PPP1R16B: variants seen among roughly 807,000 people sequenced by gnomAD.
PPP1R16B encodes protein phosphatase 1 regulatory subunit 16B, also known as protein phosphatase 1 regulatory inhibitor subunit 16B.
A neutral mutation model predicts 61.7 loss-of-function variants in PPP1R16B; 14 were observed. The observed-to-expected ratio is 0.23, with a 90% CI of 0.15 to 0.35. The LOEUF is 0.35. Among genes scored for constraint, PPP1R16B ranks in the 10% least tolerant of loss-of-function variants. PPP1R16B has a pLI of 1.00. For synonymous variants in PPP1R16B, 266 were observed against 305.3 expected, an observed-to-expected ratio of 0.87 and a Z score of 1.34; for missense variants, 547 against 752.5, an observed-to-expected ratio of 0.73 and a Z score of 3.19.
intron 2 of PPP1R16B, chr20:38,872,709 G>A (rs1468502585): frequency 6.6e-6 from 1 of 152,520 alleles, no homozygotes; most frequent in Non-Finnish European, 1.5e-5. Flanking sequence ...GGAGCCAGGA[G>A]AGGTTTCTGA....
At chr20:38,826,925 T>C (rs925968225) in intron 1 of PPP1R16B, among the ~76,000 whole-genome samples, 5 of 152,192 alleles carry the variant, frequency 3.3e-5, no homozygotes, top group African/African-American at 1.2e-4. Flanking sequence ...TTTAAAAAAT[T>C]ATTCATGTAT....
intron 10 of PPP1R16B, among the ~76,000 whole-genome samples, chr20:38,911,412 C>T (rs1480107377): frequency 9.0e-5 from 13 of 143,990 alleles, no homozygotes; most frequent in South Asian, 2.2e-4. Flanking sequence ...GTGATCCACC[C>T]GCCTCAGTCT....
chr20:38,832,570 G>A (rs1020639798), intron 1 of PPP1R16B, among the ~76,000 whole-genome samples: 2 of 152,204 alleles, frequency 1.3e-5, no homozygotes, highest in Admixed American at 6.5e-5. Flanking sequence ...CACATTGCTG[G>A]AGGGTATGAA....
chr20:38,827,837 G>T (rs2084813928), intron 1 of PPP1R16B, among the ~76,000 whole-genome samples: 1 of 152,146 alleles, frequency 6.6e-6, no homozygotes, highest in Non-Finnish European at 1.5e-5. Flanking sequence ...GTTGTGGGAG[G>T]GCGGGGGTGT....
intron 10 of PPP1R16B, among the ~76,000 whole-genome samples, chr20:38,912,423 T>C (rs2085498970): frequency 6.8e-6 from 1 of 146,534 alleles, no homozygotes; most frequent in Admixed American, 7.2e-5. Context: ...ATCCCAAAAC[T>C]GAGGGAGGCT....
In PPP1R16B at chr20:38,869,742, G is replaced by A. The variant is rs529583212; in HGVS notation, c.251-19853G>A. Among the ~76,000 whole-genome samples, 287 of 152,068 alleles carry A rather than the reference G, an allele frequency of 1.9e-3. 4 individuals carry two copies. Among genetic ancestry groups the A allele is most frequent in the African/African-American group, 6.5e-3 (268 of 41,414 alleles). ...AAGATTTTTTAGATGTGTGGTTTGA[G>A]GGCCTGGAAAGTCATGTCCTGGCCT... On this transcript the variant is annotated intron_variant, in intron 2 of 10. Transcript: ENST00000299824.
rs867232574 is a variant in PPP1R16B at position 38,895,837 on chromosome 20, C to T, written c.467+127C>T. 1,899 of 977,502 alleles carry T rather than the reference C, an allele frequency of 1.9e-3. 19 individuals are homozygous for T. Among genetic ancestry groups the T allele is most frequent in the South Asian group, 5.6e-3 (300 of 53,332 alleles). 60.6% of individuals were successfully genotyped at this position (977,502 alleles called of 1,614,324 possible). On this transcript the variant is annotated intron_variant, in intron 4 of 10. Coordinates refer to ENST00000299824, the MANE Select transcript of PPP1R16B (RefSeq NM_015568.4). Reference sequence around the variant, plus strand: ...CCCTTCCTCCTTCCTTCTTTCTCTCCTCCCTTCCTCCTTCCTTCTTTCTTC... The same window carrying T: ...CCCTTCCTCCTTCCTTCTTTCTCTCTTCCCTTCCTCCTTCCTTCTTTCTTC...
intron 2 of PPP1R16B, among the ~76,000 whole-genome samples, chr20:38,881,581 C>T (rs1396215251): frequency 6.6e-6 from 1 of 152,182 alleles, no homozygotes; most frequent in African/African-American, 2.4e-5. Flanking sequence ...TGGGGTCTAC[C>T]TACAATGGAG....
At chr20:38,834,124 G>A (rs1261497487) in intron 1 of PPP1R16B, among the ~76,000 whole-genome samples, 1 of 152,186 alleles carries the variant, frequency 6.6e-6, no homozygotes, top group Non-Finnish European at 1.5e-5. Context: ...CTCCAAGCTT[G>A]TGTCTCATTG....
chr20:38,905,360 G>A (rs774814824), intron 6 of PPP1R16B, among the ~76,000 whole-genome samples: 2 of 152,150 alleles, frequency 1.3e-5, no homozygotes, highest in Non-Finnish European at 2.9e-5. Flanking sequence ...GCAAGTTAGT[G>A]CTGGCTGTTG....
At chr20:38,831,894 T>A (rs2084839622) in intron 1 of PPP1R16B, among the ~76,000 whole-genome samples, 1 of 152,208 alleles carries the variant, frequency 6.6e-6, no homozygotes, top group Non-Finnish European at 1.5e-5. Flanking sequence ...CAACAAGACT[T>A]CTCTGCTCCT....
intron 6 of PPP1R16B, among the ~76,000 whole-genome samples, chr20:38,903,648 A>G (rs564376024): frequency 2.0e-5 from 3 of 152,124 alleles, no homozygotes; most frequent in South Asian, 4.2e-4. Flanking sequence ...CATCCAGTCA[A>G]CACACAGTTA....
chr20:38,896,475 G>A (rs781113940), intron 4 of PPP1R16B, among the ~76,000 whole-genome samples: 3 of 150,792 alleles, frequency 2.0e-5, no homozygotes, highest in Non-Finnish European at 4.4e-5. Context: ...ATCTCTGTGT[G>A]CCTGTTCTGC....
At chr20:38,890,061 A>C (rs1198457812) in intron 3 of PPP1R16B, among the ~76,000 whole-genome samples, 1 of 152,226 alleles carries the variant, frequency 6.6e-6, no homozygotes, top group Non-Finnish European at 1.5e-5. Flanking sequence ...CTGAGGTCAC[A>C]TGGTCTTGAT....
intron 2 of PPP1R16B, among the ~76,000 whole-genome samples, chr20:38,884,095 C>T (rs1419636821): frequency 3.9e-5 from 6 of 152,190 alleles, no homozygotes; most frequent in Admixed American, 3.3e-4. Flanking sequence ...GTGCCTTTCT[C>T]GTCTTTGTGC....
intron 2 of PPP1R16B, 49 bp from the exon 3 acceptor site, chr20:38,889,546 C>A (rs572533528): frequency 6.7e-7 from 1 of 1,502,864 alleles, no homozygotes; most frequent in Admixed American, 1.7e-5. Context: ...TGCATGCCTG[C>A]ACACCCAGTG....
chr20:38,906,574 A>T (rs566809587), intron 7 of PPP1R16B, among the ~76,000 whole-genome samples: 15 of 152,254 alleles, frequency 9.9e-5, no homozygotes, highest in Non-Finnish European at 2.2e-4. Context: ...GGATGCCACC[A>T]TGCCTGGCTG....
chr20:38,860,926 G>A (rs56245805), intron 2 of PPP1R16B, among the ~76,000 whole-genome samples: 19,443 of 152,154 alleles, frequency 0.13, 1,595 homozygotes, highest in South Asian at 0.26. Flanking sequence ...GGGGCCCCCT[G>A]CAGGTCCCAA....
intron 2 of PPP1R16B, among the ~76,000 whole-genome samples, chr20:38,836,619 A>G (rs570106971): frequency 4.9e-4 from 74 of 152,386 alleles, no homozygotes; most frequent in African/African-American, 1.7e-3. Flanking sequence ...TTGGTCTCCC[A>G]AAATGCTGGG....
Sources: allele counts gnomAD v4.1 joint callset (sites outside exome capture counted in the v4.1 genomes callset), GRCh38; gene constraint gnomAD v4.1.1; transcripts MANE v1.5; gene names NCBI Gene and HGNC (gene_info 2026-07-23, HGNC 2026-07-21).